Variants in HDAC4 observed in about 807,000 individuals in gnomAD.
The protein encoded by HDAC4 is histone deacetylase A.
In HDAC4, 16 loss-of-function variants were observed where a neutral mutation model predicts 135.1. The ratio of observed to expected loss-of-function variants is 0.12; its 90% CI spans 0.08 to 0.18. The LOEUF (loss-of-function observed/expected upper bound fraction) is 0.18, where lower values mean the gene tolerates loss of function less well. Ranked by LOEUF, HDAC4 falls within the 10% of genes least tolerant of loss-of-function variation. The pLI is 1.00. For missense variants in HDAC4, 1,143 were observed against 1,511.8 expected, an observed-to-expected ratio of 0.76 and a Z score of 4.05; for synonymous variants, 685 against 653.4, an observed-to-expected ratio of 1.05 and a Z score of -0.74.
At chr2:239,378,523 A>C (rs192024251) in intron 1 of HDAC4, among the ~76,000 whole-genome samples, 150 of 152,260 alleles carry the variant, frequency 9.9e-4, no homozygotes, top group Non-Finnish European at 1.8e-3. Flanking sequence ...GGCCATATCC[A>C]GAGGTCCCTG....
chr2:239,243,258 T>C (rs1381431965), intron 2 of HDAC4, among the ~76,000 whole-genome samples: 1 of 151,914 alleles, frequency 6.6e-6, no homozygotes, highest in African/African-American at 2.4e-5. Context: ...GTTCACGCCA[T>C]TCTCCTGCCT....
intron 2 of HDAC4, among the ~76,000 whole-genome samples, chr2:239,322,930 G>A (rs149757705): frequency 3.9e-5 from 6 of 152,260 alleles, no homozygotes; most frequent in African/African-American, 1.4e-4. Context: ...GCGCTGCTGC[G>A]GGGTGTGTGG....
At chr2:239,057,160 C>T (rs937710188) in intron 24 of HDAC4, among the ~76,000 whole-genome samples, 2 of 152,092 alleles carry the variant, frequency 1.3e-5, no homozygotes, top group Non-Finnish European at 2.9e-5. Flanking sequence ...CAGTAGAAGA[C>T]GTTTTCTGAG....
chr2:239,111,550 G>C lies in HDAC4; in HGVS notation c.1954C>G (p.Pro652Ala), dbSNP rs780308357. Residue 652 changes from proline (P) to alanine (A), a missense_variant, in exon 14 of 27, where the codon CCC (proline) becomes GCC (alanine). Physicochemically the swap from Pro to Ala is conservative, Grantham distance 27. Coordinates refer to ENST00000543185, the MANE Select transcript of HDAC4 (RefSeq NM_001378414.1). ...CCTGTCGTGAACCTCGGCTTGGTGG[G>C]GGGCTCCTGCACAGACACGGGGAAG... ...ATFPVSVQEP[P>A]TKPRFTTGLV... 1.2e-6 allele frequency: 2 copies of C among 1,612,446 alleles called. No homozygotes were observed. The highest frequency in any genetic ancestry group is 1.3e-5 in the African/African-American group (1 of 75,060).
chr2:239,219,390 G>T lies in HDAC4; in HGVS notation c.94+17203C>A, dbSNP rs542869413. ...AAGGACAAAAAACCAAACACAGCAT[G>T]TTCTCACTCATAGGTAGGAATTGAA... On this transcript the variant is annotated intron_variant, in intron 3 of 26. Transcript: ENST00000543185. Among the ~76,000 whole-genome samples the T allele has an allele frequency of 3.4e-5, 5 of 148,986 alleles. No homozygotes were observed. The South Asian group carries it at 1.1e-3, about 32-fold the overall frequency.
At chr2:239,330,742 T>C (rs1321084259) in intron 2 of HDAC4, among the ~76,000 whole-genome samples, 1 of 152,254 alleles carries the variant, frequency 6.6e-6, no homozygotes, top group Admixed American at 6.5e-5. Flanking sequence ...GCTTCCTTAC[T>C]AGACTATCTG....
At chr2:239,163,266 C>T (rs921155191) in intron 6 of HDAC4, among the ~76,000 whole-genome samples, 2 of 152,178 alleles carry the variant, frequency 1.3e-5, no homozygotes, top group African/African-American at 4.8e-5. Flanking sequence ...CAGGTGGGAG[C>T]GCTGTCGGAG....
At chr2:239,088,711 C>T (rs1012965614) in intron 18 of HDAC4, among the ~76,000 whole-genome samples, 3 of 152,170 alleles carry the variant, frequency 2.0e-5, no homozygotes, top group South Asian at 2.1e-4. Flanking sequence ...CCCTCAAACA[C>T]GTCCTTTTAA....
At chr2:239,374,704 A>G (rs1164663160) in intron 1 of HDAC4, among the ~76,000 whole-genome samples, 4 of 152,238 alleles carry the variant, frequency 2.6e-5, no homozygotes, top group African/African-American at 2.4e-5. Context: ...CGCCCGGCCA[A>G]CAAGGCTTTA....
chr2:239,263,722 G>A (rs2049527458), intron 2 of HDAC4, among the ~76,000 whole-genome samples: 1 of 152,202 alleles, frequency 6.6e-6, no homozygotes, highest in Non-Finnish European at 1.5e-5. Flanking sequence ...CACATCTGAA[G>A]GGGTTCCTGA....
rs1553640183 is a variant in HDAC4 at position 239,167,239 on chromosome 2, TGGCCCTCCACG to T, written c.491-3327_491-3317del. Among the ~76,000 whole-genome samples the T allele has an allele frequency of 6.6e-6, 1 of 152,090 alleles. No homozygotes were observed. Among genetic ancestry groups the T allele is most frequent in the Non-Finnish European group, 1.5e-5 (1 of 67,996 alleles). ...GGGACAGCTGTTACTGTGGATCCAC[TGGCCCTCCACG>T]GGGGAGGGTGCGCACTCCAGGAACA... On this transcript the variant is annotated intron_variant, in intron 5 of 26. Coordinates refer to ENST00000543185, the MANE Select transcript of HDAC4 (RefSeq NM_001378414.1). The surrounding 1 kb of genome is among the most constrained non-coding windows in gnomAD (Gnocchi z 4.1).
chr2:239,122,611 A>G (rs1384469974), intron 12 of HDAC4, among the ~76,000 whole-genome samples: 1 of 152,140 alleles, frequency 6.6e-6, no homozygotes. Flanking sequence ...GGGAGAGGAG[A>G]GCAGAGCCAG....
At chr2:239,185,739 G>C (rs1159466469) in intron 4 of HDAC4, among the ~76,000 whole-genome samples, 1 of 152,212 alleles carries the variant, frequency 6.6e-6, no homozygotes, top group Non-Finnish European at 1.5e-5. Context: ...GATCAGAAAT[G>C]CAAGAGAGAG....
Position 239,102,851 on chromosome 2 carries a change from G to A in HDAC4, c.2158C>T (p.His720Tyr), listed in dbSNP as rs2152765683. The change falls in exon 16 of 27, where the codon CAC (histidine) becomes TAC (tyrosine). Residue 720 changes from histidine to tyrosine, a missense_variant. Coordinates refer to ENST00000543185, the MANE Select transcript of HDAC4 (RefSeq NM_001378414.1). ...TACAGGAGGGTGTGGGCTTCCGAGT[G>A]CACCGTCTGTAGCTCCTCCAGGGTG... ...KATLEELQTVHSEAHTLLYGT... is the reference protein window; with the variant it reads ...KATLEELQTVYSEAHTLLYGT... 6.2e-7 allele frequency: 1 copy of A among 1,613,988 alleles called. No homozygotes were observed. Among genetic ancestry groups the A allele is most frequent in the Non-Finnish European group, 8.5e-7 (1 of 1,180,000 alleles).
chr2:239,393,194 C>A (rs954928465), intron 1 of HDAC4, among the ~76,000 whole-genome samples: 8 of 152,188 alleles, frequency 5.3e-5, no homozygotes, highest in Non-Finnish European at 1.0e-4. Flanking sequence ...GTCCCCACAA[C>A]AGCACCACCA....
At position 239,346,491 on chromosome 2, in the gene HDAC4, AACAC is replaced by A. The variant is rs755706254; in HGVS notation, c.22+6183_22+6186del. 2.0e-5 allele frequency among the ~76,000 whole-genome samples: 3 copies of A among 148,268 alleles called. No homozygotes were observed. The East Asian group carries it at 6.0e-4, about 30-fold the overall frequency. On this transcript the variant is annotated intron_variant, in intron 2 of 26. Transcript: ENST00000543185. ...TGTCCAAAACACACACCCATACTTT[AACAC>A]ACAGTCTAAGACACACACACCCTAA...
intron 1 of HDAC4, among the ~76,000 whole-genome samples, chr2:239,379,158 T>A (rs1390595581): frequency 1.3e-5 from 2 of 151,662 alleles, no homozygotes; most frequent in Non-Finnish European, 1.5e-5. Flanking sequence ...GAGCTGGGGG[T>A]GGAGGCCGCC....
intron 8 of HDAC4, among the ~76,000 whole-genome samples, chr2:239,140,209 C>T (rs888939654): frequency 6.6e-6 from 1 of 152,334 alleles, no homozygotes; most frequent in Middle Eastern, 3.4e-3. Context: ...AAGCAACCTA[C>T]TATTAGTGTT....
At chr2:239,350,895 A>G (rs1693103548) in intron 2 of HDAC4, among the ~76,000 whole-genome samples, 2 of 152,258 alleles carry the variant, frequency 1.3e-5, no homozygotes, top group South Asian at 2.1e-4. Context: ...ATGCCTGCAG[A>G]GCATGTACAA....
Sources: allele counts gnomAD v4.1 joint callset (sites outside exome capture counted in the v4.1 genomes callset), GRCh38; gene constraint gnomAD v4.1.1; non-coding constraint Gnocchi (gnomAD v3.1); transcripts MANE v1.5; gene names NCBI Gene and HGNC (gene_info 2026-07-23, HGNC 2026-07-21).